Variants in ING3 observed in about 807,000 individuals in gnomAD.
ING3 encodes the protein inhibitor of growth family member 3, also known as inhibitor of growth protein 3.
Under a neutral mutation model 64.8 loss-of-function variants are expected in ING3, and 6 were observed. That is an observed-to-expected ratio of 0.09 (90% CI 0.05 to 0.18). The LOEUF is 0.18. ING3 is among the 10% of genes least tolerant of loss of function. The pLI is 1.00. For synonymous variants in ING3, 170 were observed against 173.7 expected (o/e 0.98, Z 0.17); for missense variants, 310 against 489.7 (o/e 0.63, Z 3.46).
intron 2 of ING3, among the ~76,000 whole-genome samples, chr7:120,952,712 G>C (rs1031644635): frequency 6.6e-6 from 1 of 151,342 alleles, no homozygotes; most frequent in South Asian, 2.1e-4. Flanking sequence ...ATTATGAAAA[G>C]ATTTTTCTCA....
At chr7:120,963,737 T>G (rs1795963467) in intron 4 of ING3, among the ~76,000 whole-genome samples, 1 of 152,172 alleles carries the variant, frequency 6.6e-6, no homozygotes, top group Non-Finnish European at 1.5e-5. Context: ...CATTGTGTTT[T>G]GCTACCTTTC....
In ING3 at chr7:120,953,284, T is replaced by A. The variant is rs1250103850; in HGVS notation, c.101-20T>A. On this transcript the variant is annotated intron_variant, in intron 2 of 11. Transcript: ENST00000315870. ...TATGAATTTGGTCATTTAATATGAA[T>A]TTTTTTTATTATGTCATAGATGCAA... 6.9e-7 allele frequency: 1 copy of A among 1,441,714 alleles called. No homozygotes were observed. Among genetic ancestry groups the A allele is most frequent in the Non-Finnish European group, 9.5e-7 (1 of 1,051,806 alleles). The allele number at this position is 1,441,714 out of a possible 1,614,324, so 89.3% of individuals were successfully genotyped here.
At chr7:120,959,676 C>T (rs1363716084) in intron 4 of ING3, among the ~76,000 whole-genome samples, 1 of 107,360 alleles carries the variant, frequency 9.3e-6, no homozygotes, top group Non-Finnish European at 1.7e-5. Context: ...GACGGAGTCT[C>T]ACTCTTTCGC....
chr7:120,959,291 A>G (rs1795897168), intron 4 of ING3, among the ~76,000 whole-genome samples: 1 of 152,222 alleles, frequency 6.6e-6, no homozygotes, highest in African/African-American at 2.4e-5. Context: ...GTTCTTTCAA[A>G]TGCAAGTTTT....
intron 4 of ING3, among the ~76,000 whole-genome samples, chr7:120,961,212 G>A (rs979948976): frequency 1.3e-5 from 2 of 152,134 alleles, no homozygotes; most frequent in Non-Finnish European, 2.9e-5. Context: ...ATAACAATAG[G>A]TCACATTTTC....
intron 4 of ING3, among the ~76,000 whole-genome samples, chr7:120,963,061 T>C (rs1489868379): frequency 6.6e-6 from 1 of 152,228 alleles, no homozygotes; most frequent in East Asian, 1.9e-4. Flanking sequence ...TTTCGTTGCA[T>C]TAGTGGTCTT....
At position 120,967,428 on chromosome 7, in the gene ING3, C is replaced by T. The variant is rs926354355; in HGVS notation, c.437-101C>T. The T allele has an allele frequency of 2.3e-5, 18 of 784,382 alleles. No homozygotes were observed. The African/African-American group carries it at 3.1e-4, about 13-fold the overall frequency. The allele number at this position is 784,382 out of a possible 1,614,324, so 48.6% of individuals were successfully genotyped here. On this transcript the variant is annotated intron_variant, in intron 6 of 11. Transcript: ENST00000315870. ...ATCATGTTCTGTATTTTATGAGGAACCCAGATCATACTGTTTCACATTTTA... is the reference window on the plus strand; with the variant it reads ...ATCATGTTCTGTATTTTATGAGGAATCCAGATCATACTGTTTCACATTTTA...
At chr7:120,972,816 A>G (rs1239509631) in intron 10 of ING3, among the ~76,000 whole-genome samples, 1 of 152,210 alleles carries the variant, frequency 6.6e-6, no homozygotes, top group Non-Finnish European at 1.5e-5. Flanking sequence ...AGAAGTTTCA[A>G]GGAAGGAGAC....
intron 2 of ING3, among the ~76,000 whole-genome samples, chr7:120,952,624 A>G (rs1795784001): frequency 6.6e-6 from 1 of 152,166 alleles, no homozygotes; most frequent in Admixed American, 6.5e-5. Flanking sequence ...AAAGGAACAT[A>G]CTTCTAAAAA....
chr7:120,970,978 C>G, intron 10 of ING3, 98 bp downstream of exon 10: 1 of 1,224,782 alleles, frequency 8.2e-7, no homozygotes, highest in Non-Finnish European at 1.1e-6. Context: ...ACTTAAAATA[C>G]CTTTGCTTTA....
chr7:120,953,147 G>T (rs1795792351), intron 2 of ING3, among the ~76,000 whole-genome samples, 157 bp from the exon 3 acceptor site: 1 of 152,038 alleles, frequency 6.6e-6, no homozygotes, highest in African/African-American at 2.4e-5. Flanking sequence ...GATAATTGAG[G>T]CATTATATAT....
intron 1 of ING3, 68 bp from the exon 2 acceptor site, chr7:120,951,096 G>A (rs950165363): frequency 6.4e-7 from 1 of 1,568,354 alleles, no homozygotes; most frequent in South Asian, 1.1e-5. Flanking sequence ...CCTGACGCAC[G>A]CGCGCAGTGA....
intron 11 of ING3, 82 bp downstream of exon 11, chr7:120,973,325 G>A (rs1796092596): frequency 2.1e-6 from 2 of 947,334 alleles, no homozygotes; most frequent in Non-Finnish European, 3.3e-6. Flanking sequence ...TTGCTGTATG[G>A]TTTGGTCTAA....
At chr7:120,968,192 G>T in intron 8 of ING3, 101 bp downstream of exon 8, 1 of 1,032,520 alleles carries the variant, frequency 9.7e-7, no homozygotes, top group Non-Finnish European at 1.4e-6. Context: ...TTCTAACGTT[G>T]TATATTTTCA....
At chr7:120,963,411 T>C (rs1045512516) in intron 4 of ING3, among the ~76,000 whole-genome samples, 6 of 151,878 alleles carry the variant, frequency 4.0e-5, no homozygotes, top group African/African-American at 9.7e-5. Flanking sequence ...CTAGTTTTTA[T>C]ACTTGAGTTA....
In ING3 at chr7:120,976,658, C is replaced by G. The variant is rs1247126114; in HGVS notation, c.*1814C>G. The G allele has an allele frequency of 1.3e-5, 2 of 152,120 alleles. No homozygotes were observed. Among genetic ancestry groups the G allele is most frequent in the Non-Finnish European group, 2.9e-5 (2 of 68,000 alleles). 9.4% of individuals were successfully genotyped at this position (152,120 alleles called of 1,614,324 possible). ...ATATTATGACTATTCCAAACTCATTCATTTTATAGAAATGGTCAAAGGAAA... is the reference window on the plus strand; with the variant it reads ...ATATTATGACTATTCCAAACTCATTGATTTTATAGAAATGGTCAAAGGAAA... On this transcript the variant is annotated 3_prime_UTR_variant, in exon 12 of 12. Coordinates refer to ENST00000315870, the MANE Select transcript of ING3 (RefSeq NM_019071.3).
chr7:120,954,429 G>A (rs1201362398), intron 3 of ING3, among the ~76,000 whole-genome samples: 5 of 148,854 alleles, frequency 3.4e-5, no homozygotes, highest in African/African-American at 9.9e-5. Flanking sequence ...GTGAGACTCC[G>A]TCTCAAAAAA....
intron 4 of ING3, among the ~76,000 whole-genome samples, chr7:120,962,931 C>A (rs1446039407): frequency 6.6e-6 from 1 of 152,000 alleles, no homozygotes; most frequent in African/African-American, 2.4e-5. Context: ...ATTCTAATTC[C>A]TATGAAGGCA....
intron 4 of ING3, among the ~76,000 whole-genome samples, chr7:120,964,028 T>A (rs1049294533): frequency 6.6e-6 from 1 of 152,094 alleles, no homozygotes; most frequent in Non-Finnish European, 1.5e-5. Flanking sequence ...CATTAAGACA[T>A]TTTTTGTTAG....
Sources: gnomAD v4.1 joint callset for allele counts (sites outside exome capture counted in the v4.1 genomes callset) on GRCh38, gnomAD v4.1.1 for gene constraint, MANE v1.5 for transcripts, NCBI Gene and HGNC (gene_info 2026-07-23, HGNC 2026-07-21) for gene names.